The following KLF8 variants were observed in gnomAD, a reference collection of about 807,000 sequenced individuals.
KLF8 encodes KLF transcription factor 8.
Under a neutral mutation model 18.2 loss-of-function variants are expected in KLF8, and 10 were observed. That is an observed-to-expected ratio of 0.55 (90% CI 0.34 to 0.93). The LOEUF is 0.93. Ranked by LOEUF, KLF8 falls within the 40% of genes least tolerant of loss-of-function variation. The pLI, the probability that KLF8 is intolerant of heterozygous loss-of-function variation, is 0.02. For missense variants in KLF8, 264 were observed against 277.9 expected, an observed-to-expected ratio of 0.95 and a Z score of 0.36; for synonymous variants, 109 against 97.3, an observed-to-expected ratio of 1.12 and a Z score of -0.71.
At chrX:55,950,948 G>A in the KLF8 span, among the ~76,000 whole-genome samples, 1 of 111,461 alleles carries the variant, frequency 9.0e-6, no homozygotes, top group Non-Finnish European at 1.9e-5. Flanking sequence ...AGTACCATCA[G>A]TTGGTGTCAT....
At chrX:56,047,427 C>A in the KLF8 span, among the ~76,000 whole-genome samples, 3 of 97,355 alleles carry the variant, frequency 3.1e-5, no homozygotes, top group Non-Finnish European at 4.1e-5. Flanking sequence ...TCCCCCACCT[C>A]ACAAAAGTCC....
At chrX:56,040,062 TG>T in the KLF8 span, among the ~76,000 whole-genome samples, 1 of 111,507 alleles carries the variant, frequency 9.0e-6, no homozygotes, top group African/African-American at 3.3e-5. Context: ...TAGTGATTTT[TG>T]CACATTGCTT....
chrX:56,254,386 G>A (rs1395603696), intron 2 of KLF8, among the ~76,000 whole-genome samples: 3 of 111,431 alleles, frequency 2.7e-5, no homozygotes, highest in East Asian at 5.7e-4. Flanking sequence ...AACTCTATGC[G>A]CACCCCACAG....
At chrX:55,928,268 G>A in the KLF8 span, among the ~76,000 whole-genome samples, 1 of 111,873 alleles carries the variant, frequency 8.9e-6, no homozygotes, top group Admixed American at 9.5e-5. Context: ...GGGGGTACAT[G>A]ATATTTACAT....
the KLF8 span, among the ~76,000 whole-genome samples, chrX:55,973,565 A>G: frequency 1.8e-5 from 2 of 112,470 alleles, no homozygotes; most frequent in Non-Finnish European, 3.8e-5. Flanking sequence ...AAAAGAGGAC[A>G]TACATGCTAT....
the KLF8 span, among the ~76,000 whole-genome samples, chrX:56,058,078 C>T: frequency 9.9e-6 from 1 of 101,134 alleles, no homozygotes; most frequent in African/African-American, 3.6e-5. Flanking sequence ...CTGTTTCTTT[C>T]TTCTCTCCAC....
the KLF8 span, among the ~76,000 whole-genome samples, chrX:56,064,503 G>C: frequency 9.0e-6 from 1 of 110,840 alleles, no homozygotes; most frequent in East Asian, 2.8e-4. Context: ...AATTTAACCT[G>C]CTTACATTCA....
At chrX:55,998,189 C>T in the KLF8 span, among the ~76,000 whole-genome samples, 1 of 112,432 alleles carries the variant, frequency 8.9e-6, no homozygotes, top group Non-Finnish European at 1.9e-5. Context: ...GTAGATGGAA[C>T]GTACAATCGG....
the KLF8 span, among the ~76,000 whole-genome samples, chrX:55,921,627 T>G: frequency 8.9e-6 from 1 of 111,880 alleles, no homozygotes; most frequent in Non-Finnish European, 1.9e-5. Flanking sequence ...GGGATCTAAT[T>G]AAACTAAAGA....
At chrX:56,267,208 G>A (rs2066983808) in intron 3 of KLF8, 1 of 752,257 alleles carries the variant, frequency 1.3e-6, no homozygotes. Flanking sequence ...CCAAGCTAAG[G>A]GCATTGGCCC....
chrX:55,950,706 T>C, the KLF8 span, among the ~76,000 whole-genome samples: 1 of 111,868 alleles, frequency 8.9e-6, no homozygotes. Flanking sequence ...CTTCATGCCC[T>C]GGTGATACTT....
At chrX:55,977,248 T>G in the KLF8 span, among the ~76,000 whole-genome samples, 1 of 111,832 alleles carries the variant, frequency 8.9e-6, no homozygotes, top group South Asian at 3.7e-4. Flanking sequence ...TGATGTTAGT[T>G]GTGGGCTTGC....
At position 56,285,522 on chromosome X, in the gene KLF8, TCA is replaced by T. The variant is rs975404016; in HGVS notation, c.*1034_*1035del. On this transcript the variant is annotated 3_prime_UTR_variant, in exon 6 of 6. Transcript: ENST00000468660. Reference sequence around the variant, plus strand: ...ATTGAGTATATTGCATGATGAGAAATCACACACTAGGGTCATGTTATACAGAA... The same window carrying T: ...ATTGAGTATATTGCATGATGAGAAATCACACTAGGGTCATGTTATACAGAA... The T allele has an allele frequency of 5.4e-5, 6 of 111,453 alleles. No homozygotes were observed. 9.2% of individuals were successfully genotyped at this position (111,453 alleles called of 1,213,427 possible).
chrX:56,179,770 T>G, the KLF8 span, among the ~76,000 whole-genome samples: 1 of 111,907 alleles, frequency 8.9e-6, no homozygotes, highest in Non-Finnish European at 1.9e-5. Context: ...TGTCTTTGCT[T>G]CTGTTTATAT....
At chrX:56,004,982 C>A in the KLF8 span, among the ~76,000 whole-genome samples, 3 of 110,290 alleles carry the variant, frequency 2.7e-5, no homozygotes, top group African/African-American at 9.9e-5. Context: ...GACTGCTAGC[C>A]CAGAATGATG....
the KLF8 span, among the ~76,000 whole-genome samples, chrX:56,179,936 T>C: frequency 9.0e-6 from 1 of 111,719 alleles, no homozygotes; most frequent in African/African-American, 3.3e-5. Context: ...CTCAGGGATG[T>C]TTTTCTAAAA....
chrX:55,957,152 T>C, the KLF8 span, among the ~76,000 whole-genome samples: 1 of 111,884 alleles, frequency 8.9e-6, no homozygotes, highest in Non-Finnish European at 1.9e-5. Flanking sequence ...GAGACTGTCC[T>C]TTCCTCATTG....
chrX:56,121,456 G>A, the KLF8 span, among the ~76,000 whole-genome samples: 19 of 112,011 alleles, frequency 1.7e-4, no homozygotes, highest in African/African-American at 6.2e-4. Flanking sequence ...TATTGCTTTT[G>A]GACTTATATC....
chrX:56,000,103 A>G, the KLF8 span, among the ~76,000 whole-genome samples: 1 of 111,488 alleles, frequency 9.0e-6, no homozygotes, highest in African/African-American at 3.3e-5. Context: ...GGATGATCAT[A>G]GGCTTTTTGT....
Sources: allele counts gnomAD v4.1 joint callset (sites outside exome capture counted in the v4.1 genomes callset), GRCh38; gene constraint gnomAD v4.1.1; transcripts MANE v1.5; gene names NCBI Gene and HGNC (gene_info 2026-07-23, HGNC 2026-07-21).